FSTL5: variants seen among roughly 807,000 people sequenced by gnomAD.
The protein encoded by FSTL5 is follistatin like 5.
Under a neutral mutation model 89.1 loss-of-function variants are expected in FSTL5, and 62 were observed. The observed-to-expected ratio is 0.70, with a 90% CI of 0.57 to 0.86. FSTL5 has a LOEUF of 0.86. Among genes scored for constraint, FSTL5 ranks in the 40% least tolerant of loss-of-function variants. The pLI is 0.00. For synonymous variants in FSTL5, 383 were observed against 346.2 expected, an observed-to-expected ratio of 1.11 and a Z score of -1.18; for missense variants, 1,057 against 1,001.6, an observed-to-expected ratio of 1.06 and a Z score of -0.75.
intron 13 of FSTL5, among the ~76,000 whole-genome samples, chr4:161,460,528 A>G (rs995019739): frequency 3.9e-5 from 6 of 152,114 alleles, no homozygotes; most frequent in African/African-American, 1.4e-4. Flanking sequence ...GTACTTATCC[A>G]TAATGCAATG....
At chr4:161,702,271 G>T (rs1738416800) in intron 6 of FSTL5, among the ~76,000 whole-genome samples, 1 of 152,198 alleles carries the variant, frequency 6.6e-6, no homozygotes. Context: ...GCATGAAGAT[G>T]ATGAGAAGGG....
chr4:161,681,589 A>G (rs544407290), intron 6 of FSTL5, among the ~76,000 whole-genome samples: 1 of 152,198 alleles, frequency 6.6e-6, no homozygotes, highest in South Asian at 2.1e-4. Context: ...TTGAAATCCT[A>G]TTCGTAATCA....
chr4:161,468,667 C>A (rs552638980), intron 13 of FSTL5, among the ~76,000 whole-genome samples: 1 of 152,072 alleles, frequency 6.6e-6, no homozygotes, highest in Admixed American at 6.5e-5. Context: ...ATCATTTTTT[C>A]TTGATTTCTT....
intron 7 of FSTL5, among the ~76,000 whole-genome samples, chr4:161,646,066 T>C (rs1736144233): frequency 1.3e-5 from 2 of 150,960 alleles, no homozygotes; most frequent in African/African-American, 4.8e-5. Context: ...AAAAAAATTT[T>C]GCAGATTAAA....
At chr4:162,125,185 T>A (rs1396811776) in intron 1 of FSTL5, among the ~76,000 whole-genome samples, 1 of 152,302 alleles carries the variant, frequency 6.6e-6, no homozygotes, top group Admixed American at 6.5e-5. Flanking sequence ...TTTTATCTTA[T>A]AAAAATGAAA....
chr4:161,938,621 A>C (rs2110916556), intron 3 of FSTL5, among the ~76,000 whole-genome samples: 1 of 152,188 alleles, frequency 6.6e-6, no homozygotes, highest in South Asian at 2.1e-4. Context: ...TTGGAATAGT[A>C]AAATTTCCAA....
chr4:161,712,241 C>G (rs1738806824), intron 6 of FSTL5, among the ~76,000 whole-genome samples: 1 of 151,838 alleles, frequency 6.6e-6, no homozygotes, highest in Non-Finnish European at 1.5e-5. Flanking sequence ...AATTCGTACA[C>G]TTCATATGGG....
At chr4:162,122,909 G>A (rs1340513601) in intron 1 of FSTL5, among the ~76,000 whole-genome samples, 2 of 152,006 alleles carry the variant, frequency 1.3e-5, no homozygotes, top group Non-Finnish European at 2.9e-5. Flanking sequence ...TCTTTCCCTG[G>A]TTCAAGAGAA....
intron 3 of FSTL5, among the ~76,000 whole-genome samples, chr4:161,966,089 T>G (rs145078750): frequency 6.6e-6 from 1 of 152,234 alleles, no homozygotes; most frequent in Non-Finnish European, 1.5e-5. Context: ...CAAAGACAAC[T>G]TGGCTGCAAT....
intron 1 of FSTL5, among the ~76,000 whole-genome samples, chr4:162,156,772 GAAAAACT>G (rs1485713892): frequency 6.6e-6 from 1 of 152,086 alleles, no homozygotes; most frequent in Non-Finnish European, 1.5e-5. Context: ...GGCAAAGGCT[GAAAAACT>G]AATTATTGGG....
Position 161,927,088 on chromosome 4 carries a change from G to GA in FSTL5, c.161-6437dup, listed in dbSNP as rs557209149. ...CAGTAAATTATTTGAGTGACACTCA[G>GA]AAAAAAGTGATTTTTTTGCTAAATA... On this transcript the variant is annotated intron_variant, in intron 3 of 15. Coordinates refer to ENST00000306100, the MANE Select transcript of FSTL5 (RefSeq NM_020116.5). 1.9e-3 allele frequency among the ~76,000 whole-genome samples: 287 copies of GA among 151,768 alleles called. 7 individuals carry two copies. Among genetic ancestry groups the GA allele is most frequent in the East Asian group, 0.011 (59 of 5,162 alleles).
chr4:161,522,809 G>A (rs73859238), intron 10 of FSTL5, among the ~76,000 whole-genome samples: 8 of 151,512 alleles, frequency 5.3e-5, no homozygotes, highest in African/African-American at 9.7e-5. Context: ...AAGTGATTCC[G>A]AAATTATTTG....
intron 3 of FSTL5, among the ~76,000 whole-genome samples, chr4:161,964,900 T>C (rs1355490829): frequency 6.6e-6 from 1 of 152,044 alleles, no homozygotes; most frequent in Non-Finnish European, 1.5e-5. Context: ...AGTATAATAA[T>C]TTATTTATAA....
chr4:162,148,366 A>C (rs1225971188), intron 1 of FSTL5, among the ~76,000 whole-genome samples: 4 of 152,130 alleles, frequency 2.6e-5, no homozygotes, highest in Non-Finnish European at 5.9e-5. Context: ...TGTGATAATT[A>C]TTGTGTCATC....
At chr4:161,436,917 A>G (rs572805862) in intron 15 of FSTL5, among the ~76,000 whole-genome samples, 2 of 152,336 alleles carry the variant, frequency 1.3e-5, no homozygotes, top group South Asian at 2.1e-4. Flanking sequence ...TCCTTCACTT[A>G]ACATTGTGAA....
At chr4:161,698,989 A>G (rs1194107302) in intron 6 of FSTL5, among the ~76,000 whole-genome samples, 2 of 152,016 alleles carry the variant, frequency 1.3e-5, no homozygotes, top group Non-Finnish European at 1.5e-5. Flanking sequence ...AGGAGAAATA[A>G]TTTGATGAAT....
At position 161,441,964 on chromosome 4, in the gene FSTL5, T is replaced by C. The variant is rs1732776980; in HGVS notation, c.1841+13040A>G. Among the ~76,000 whole-genome samples the C allele has an allele frequency of 2.0e-5, 3 of 152,180 alleles. No homozygotes were observed. In the South Asian group the frequency reaches 6.2e-4, roughly 31 times the overall value. On this transcript the variant is annotated intron_variant, in intron 15 of 15. Transcript: ENST00000306100. ...AGTGAAACTTAACTTGAGCTAGTTC[T>C]TGCAAATGCTTTCTTATATTAAAGA...
rs1733682534 is a variant in FSTL5 at position 161,911,255 on chromosome 4, A to G, written c.409+9149T>C. 3.3e-5 allele frequency among the ~76,000 whole-genome samples: 5 copies of G among 152,160 alleles called. No individual in the cohort carries two copies. The South Asian group carries it at 1.0e-3, about 32-fold the overall frequency. On this transcript the variant is annotated intron_variant, in intron 4 of 15. Coordinates refer to ENST00000306100, the MANE Select transcript of FSTL5 (RefSeq NM_020116.5). ...AACAATCTGTAATTCTCTTTTCTCTATAAATTATTATTCTATATATATATA... is the reference window on the plus strand; with the variant it reads ...AACAATCTGTAATTCTCTTTTCTCTGTAAATTATTATTCTATATATATATA...
At chr4:161,754,833 C>A (rs1424458894) in intron 6 of FSTL5, among the ~76,000 whole-genome samples, 1 of 152,074 alleles carries the variant, frequency 6.6e-6, no homozygotes, top group Admixed American at 6.5e-5. Flanking sequence ...AGATTTAAAT[C>A]AGAAGTATAG....
Sources: allele counts gnomAD v4.1 joint callset (sites outside exome capture counted in the v4.1 genomes callset), GRCh38; gene constraint gnomAD v4.1.1; transcripts MANE v1.5; gene names NCBI Gene and HGNC (gene_info 2026-07-23, HGNC 2026-07-21).